The following AKAP11 variants were observed in gnomAD, a reference collection of about 807,000 sequenced individuals.
The protein encoded by AKAP11 is A-kinase anchor protein 11.
In AKAP11, 36 loss-of-function variants were observed where a neutral mutation model predicts 146.1. The observed-to-expected ratio is 0.25, with a 90% CI of 0.19 to 0.33. AKAP11 has a LOEUF of 0.33. Among genes scored for constraint, AKAP11 ranks in the 10% least tolerant of loss-of-function variants. AKAP11 has a pLI of 1.00. For synonymous variants in AKAP11, 780 were observed against 786.5 expected, an observed-to-expected ratio of 0.99 and a Z score of 0.14; for missense variants, 2,201 against 2,197.0, an observed-to-expected ratio of 1.00 and a Z score of -0.04.
intron 9 of AKAP11, 101 bp from the exon 10 acceptor site, chr13:42,312,946 A>G: frequency 1.1e-6 from 1 of 922,060 alleles, no homozygotes; most frequent in Non-Finnish European, 1.7e-6. Context: ...GCAGCTTCAG[A>G]ACATCTGCAG....
intron 11 of AKAP11, among the ~76,000 whole-genome samples, chr13:42,317,247 A>G (rs143031289): frequency 1.3e-5 from 2 of 152,326 alleles, no homozygotes; most frequent in South Asian, 2.1e-4. Flanking sequence ...GTCATAATTT[A>G]TATCAAATTA....
intron 1 of AKAP11, among the ~76,000 whole-genome samples, chr13:42,274,380 G>C (rs1163897388): frequency 6.6e-6 from 1 of 152,090 alleles, no homozygotes; most frequent in African/African-American, 2.4e-5. Flanking sequence ...ACATATAAAA[G>C]TTTATTAAAA....
Position 42,300,135 on chromosome 13 carries a change from A to G in AKAP11, c.1389A>G (p.Pro463=). ...SAFSPLGGCT[P]AECFCQTDIG... ...TTAGTCCTCTTGGAGGCTGTACTCCAGCTGAATGTTTTTGCCAAACAGATA... is the reference window on the plus strand; with the variant it reads ...TTAGTCCTCTTGGAGGCTGTACTCCGGCTGAATGTTTTTGCCAAACAGATA... Residue 463 remains proline (P), a synonymous_variant, in exon 8 of 13, where the codon CCA becomes CCG. Coordinates refer to ENST00000025301, the MANE Select transcript of AKAP11 (RefSeq NM_016248.4). 6.2e-7 allele frequency: 1 copy of G among 1,613,980 alleles called. No individual in the cohort carries two copies. The highest frequency in any genetic ancestry group is 8.5e-7 in the Non-Finnish European group (1 of 1,179,854).
intron 8 of AKAP11, among the ~76,000 whole-genome samples, chr13:42,308,101 T>A (rs1236848881): frequency 6.6e-6 from 1 of 152,216 alleles, no homozygotes; most frequent in African/African-American, 2.4e-5. Flanking sequence ...ATAAAAGTAC[T>A]GTTTTACAAA....
intron 1 of AKAP11, among the ~76,000 whole-genome samples, chr13:42,274,301 G>T (rs763330641): frequency 7.2e-5 from 11 of 152,026 alleles, no homozygotes; most frequent in Non-Finnish European, 1.3e-4. Context: ...GGAAGAGAAA[G>T]AAAAATGCTT....
At position 42,301,330 on chromosome 13, in the gene AKAP11, TCCTCAAAATTAC is replaced by T. The variant is rs1246118185; in HGVS notation, c.2586_2597del (p.Ser863_Pro866del). ...TAATGACGATATTGAAATGCAGAGT[TCCTCAAAATTAC>T]CAAATGATCCTGCAATTATTAGCAA... On this transcript the variant is annotated inframe_deletion, in exon 8 of 13. Transcript: ENST00000025301. 1.9e-6 allele frequency: 3 copies of T among 1,613,976 alleles called. No individual in the cohort carries two copies. In the South Asian group the frequency reaches 3.3e-5, roughly 18 times the overall value.
chr13:42,310,507 G>A (rs2046048386), intron 9 of AKAP11, among the ~76,000 whole-genome samples: 1 of 152,148 alleles, frequency 6.6e-6, no homozygotes, highest in Non-Finnish European at 1.5e-5. Flanking sequence ...GATGACAATT[G>A]ATATCTATAC....
chr13:42,285,790 T>TATTTGTATGTG (rs199959258), intron 1 of AKAP11, among the ~76,000 whole-genome samples, 196 bp from the exon 2 acceptor site: 2,740 of 152,328 alleles, frequency 0.018, 24 homozygotes, highest in Non-Finnish European at 0.028. Flanking sequence ...AAAGAATGTA[T>TATTTGTATGTG]CTAATTTGAT....
chr13:42,317,829 C>G, intron 12 of AKAP11, 141 bp downstream of exon 12: 1 of 901,852 alleles, frequency 1.1e-6, no homozygotes, highest in East Asian at 2.7e-5. Context: ...GACATCAGCT[C>G]TGCCACTTTC....
chr13:42,278,436 C>T (rs980241485), intron 1 of AKAP11, among the ~76,000 whole-genome samples: 6 of 152,086 alleles, frequency 3.9e-5, no homozygotes, highest in Non-Finnish European at 8.8e-5. Flanking sequence ...CTGCTGTTCA[C>T]CTATTAGGTA....
intron 11 of AKAP11, among the ~76,000 whole-genome samples, chr13:42,315,327 T>C (rs898222390): frequency 2.0e-5 from 3 of 152,180 alleles, no homozygotes; most frequent in African/African-American, 7.2e-5. Context: ...TCATCAGATA[T>C]AAAGTCGAGA....
intron 1 of AKAP11, among the ~76,000 whole-genome samples, chr13:42,277,909 T>G (rs1958966621): frequency 6.6e-6 from 1 of 152,250 alleles, no homozygotes; most frequent in Admixed American, 6.5e-5. Flanking sequence ...GGCATAGACA[T>G]GTAGACATTT....
At chr13:42,292,579 C>G (rs1959259677) in intron 4 of AKAP11, 78 bp downstream of exon 4, 1 of 831,544 alleles carries the variant, frequency 1.2e-6, no homozygotes, top group African/African-American at 1.7e-5. Context: ...ACTCTATGAT[C>G]TATTTTTAAA....
chr13:42,283,623 T>G (rs942060721), intron 1 of AKAP11, among the ~76,000 whole-genome samples: 1 of 152,198 alleles, frequency 6.6e-6, no homozygotes. Context: ...TCTTCTACCT[T>G]AGGTGCTTGT....
At chr13:42,287,205 G>C (rs1387700845) in intron 3 of AKAP11, among the ~76,000 whole-genome samples, 1 of 152,162 alleles carries the variant, frequency 6.6e-6, no homozygotes, top group African/African-American at 2.4e-5. Context: ...AGGTTTGACT[G>C]CTAAGTCTAA....
rs1959756543 is a variant in AKAP11, at chr13:42,299,929, T to C, written c.1183T>C (p.Cys395Arg). 2 of 1,613,948 alleles carry C rather than the reference T, an allele frequency of 1.2e-6. No individual in the cohort carries two copies. Among genetic ancestry groups the C allele is most frequent in the Non-Finnish European group, 1.7e-6 (2 of 1,179,874 alleles). ...GAAAGGGCACAAACATGGAAAGTCATGTATGAATCCTCAAAAATTCAAGTT... is the reference window on the plus strand; with the variant it reads ...GAAAGGGCACAAACATGGAAAGTCACGTATGAATCCTCAAAAATTCAAGTT... The part of the protein sequence containing the change: ...QRKGHKHGKS[C>R]MNPQKFKFDR... The change falls in exon 8 of 13, where the codon TGT becomes CGT. Residue 395 changes from cysteine to arginine, a missense_variant. Transcript: ENST00000025301.
chr13:42,295,954 A>G (rs1471311913), intron 5 of AKAP11, among the ~76,000 whole-genome samples: 1 of 152,202 alleles, frequency 6.6e-6, no homozygotes, highest in African/African-American at 2.4e-5. Flanking sequence ...GTTTTTAGTT[A>G]AGATTGAGTT....
At chr13:42,297,624 TTTATAAATAAAAATG>T (rs2138563451) in intron 6 of AKAP11, among the ~76,000 whole-genome samples, 1 of 152,124 alleles carries the variant, frequency 6.6e-6, no homozygotes, top group Admixed American at 6.5e-5. Flanking sequence ...TGATGTGTTC[TTTATAAATAAAAATG>T]TTACCATTTC....
At position 42,302,212 on chromosome 13, in the gene AKAP11, A is replaced by G. The variant is rs746628277; in HGVS notation, c.3466A>G (p.Thr1156Ala). Residue 1156 changes from threonine (T) to alanine (A), a missense_variant, in exon 8 of 13, where the codon ACT (threonine) becomes GCT (alanine). Physicochemically the swap from Thr to Ala is moderately conservative, Grantham distance 58. This residue lies in a region of AKAP11 where 1,867 missense variants were observed against 1,833.5 expected (regional missense o/e 1.02). Transcript: ENST00000025301. ...TAGTTTGTCTGAGAATGAACAAAAT[A>G]CTATAGAAAAAGAAGAGTTCATGTT... Reference protein sequence around the residue: ...VGSLSENEQNTIEKEEFMLKL... With the variant: ...VGSLSENEQNAIEKEEFMLKL... 1.2e-6 allele frequency: 2 copies of G among 1,614,182 alleles called. No individual in the cohort carries two copies. The highest frequency in any genetic ancestry group is 2.2e-5 in the South Asian group (2 of 91,086).
Sources: allele counts gnomAD v4.1 joint callset (sites outside exome capture counted in the v4.1 genomes callset), GRCh38; gene constraint gnomAD v4.1.1; regional missense constraint gnomAD v4.1.1; transcripts MANE v1.5; gene names NCBI Gene and HGNC (gene_info 2026-07-23, HGNC 2026-07-21).